Variants in NBEAL1 observed in about 807,000 individuals in gnomAD.
The protein encoded by NBEAL1 is neurobeachin-like protein 1.
A neutral mutation model predicts 351.3 loss-of-function variants in NBEAL1; 273 were observed. That is an observed-to-expected ratio of 0.78 (90% CI 0.70 to 0.86). NBEAL1 has a LOEUF of 0.86. Ranked by LOEUF, NBEAL1 falls within the 40% of genes least tolerant of loss-of-function variation. The probability of loss-of-function intolerance (pLI) is 0.00; values close to 1 mark genes in which losing one functional copy is unlikely to be tolerated. For synonymous variants in NBEAL1, 1,050 were observed against 1,086.4 expected, an observed-to-expected ratio of 0.97 and a Z score of 0.66; for missense variants, 2,961 against 3,201.3, an observed-to-expected ratio of 0.92 and a Z score of 1.81.
At chr2:203,049,684 G>A (rs149784273) in intron 3 of NBEAL1, 130 bp from the exon 4 acceptor site, 1 of 707,670 alleles carries the variant, frequency 1.4e-6, no homozygotes, top group East Asian at 2.8e-5. Context: ...CAGACGAGAA[G>A]GCACAGAGTA....
intron 4 of NBEAL1, among the ~76,000 whole-genome samples, chr2:203,056,202 A>G (rs1387908437): frequency 6.6e-6 from 1 of 152,230 alleles, no homozygotes; most frequent in Non-Finnish European, 1.5e-5. Context: ...GCTAATCAGC[A>G]TATACTTTTT....
chr2:203,206,375 T>TCTCTCC (rs746659496), intron 51 of NBEAL1, among the ~76,000 whole-genome samples: 12 of 151,962 alleles, frequency 7.9e-5, no homozygotes, highest in East Asian at 5.8e-4. Flanking sequence ...AGAAAGCATG[T>TCTCTCC]CTCTCCCTCT....
Position 203,219,179 on chromosome 2 carries a change from G to A in NBEAL1, c.*1825G>A, listed in dbSNP as rs997734603. The A allele has an allele frequency of 3.3e-5, 5 of 151,592 alleles. No individual in the cohort carries two copies. The highest frequency in any genetic ancestry group is 7.3e-5 in the African/African-American group (3 of 41,238). 9.4% of individuals were successfully genotyped at this position (151,592 alleles called of 1,614,324 possible). A position where few individuals can be genotyped will look rare whatever the true frequency, so the allele number is the denominator to read the frequency against. The stretch of plus-strand genomic sequence containing the variant: ...ACAGTTTTTTAGGAGATTTCAAGTC[G>A]GCAGAACTAACATGATTGATTTTTA... On this transcript the variant is annotated 3_prime_UTR_variant, in exon 56 of 56. Transcript: ENST00000683969.
At chr2:203,214,339 G>A (rs2065863313) in intron 55 of NBEAL1, among the ~76,000 whole-genome samples, 1 of 152,136 alleles carries the variant, frequency 6.6e-6, no homozygotes. Context: ...TATTTCAAGG[G>A]AAGAAATTAC....
chr2:203,187,054 T>G (rs2064917353), intron 44 of NBEAL1, among the ~76,000 whole-genome samples: 1 of 152,216 alleles, frequency 6.6e-6, no homozygotes, highest in African/African-American at 2.4e-5. Context: ...TTAGGCAATT[T>G]CTCATTTTGA....
intron 52 of NBEAL1, 21 bp from the exon 53 acceptor site, chr2:203,209,140 T>G: frequency 6.4e-7 from 1 of 1,571,834 alleles, no homozygotes; most frequent in Non-Finnish European, 8.7e-7. Flanking sequence ...TTTTTCATTT[T>G]CTGATATATC....
intron 34 of NBEAL1, among the ~76,000 whole-genome samples, chr2:203,150,894 C>T (rs957851462): frequency 6.6e-6 from 1 of 152,182 alleles, no homozygotes; most frequent in Non-Finnish European, 1.5e-5. Context: ...ATTTCTGCTA[C>T]CTGTAAACCT....
intron 38 of NBEAL1, 82 bp from the exon 39 acceptor site, chr2:203,169,665 C>T (rs1170472821): frequency 1.5e-6 from 1 of 667,706 alleles, no homozygotes; most frequent in Non-Finnish European, 2.6e-6. Context: ...TGAATTGTCT[C>T]TCAATACAGC....
At chr2:203,040,497 G>C in intron 2 of NBEAL1, 2 of 681,368 alleles carry the variant, frequency 2.9e-6, no homozygotes, top group Non-Finnish European at 5.4e-6. Context: ...ACCTAAAAAT[G>C]CTGCTTATAG....
chr2:203,103,961 G>A (rs546133724), intron 12 of NBEAL1, among the ~76,000 whole-genome samples: 9 of 152,262 alleles, frequency 5.9e-5, no homozygotes, highest in African/African-American at 9.6e-5. Flanking sequence ...ACTATGGTTC[G>A]AGAGTGTAGT....
At chr2:203,043,392 G>A (rs924329175) in intron 3 of NBEAL1, among the ~76,000 whole-genome samples, 2 of 152,058 alleles carry the variant, frequency 1.3e-5, no homozygotes, top group African/African-American at 4.8e-5. Flanking sequence ...ATTGGCTGGG[G>A]TAAAATGCAA....
chr2:203,186,936 C>T (rs1437854728), intron 44 of NBEAL1, among the ~76,000 whole-genome samples: 2 of 152,142 alleles, frequency 1.3e-5, no homozygotes, highest in African/African-American at 2.4e-5. Flanking sequence ...TGGGACACAA[C>T]CTTAAATCTT....
At chr2:203,209,784 T>G (rs1163527586) in intron 53 of NBEAL1, among the ~76,000 whole-genome samples, 2 of 151,534 alleles carry the variant, frequency 1.3e-5, no homozygotes, top group Non-Finnish European at 2.9e-5. Flanking sequence ...TTGTCCAAGC[T>G]GGAGTGCAGT....
intron 42 of NBEAL1, among the ~76,000 whole-genome samples, chr2:203,179,786 C>CT (rs904599063): frequency 6.3e-4 from 94 of 148,354 alleles, no homozygotes; most frequent in African/African-American, 1.5e-3. Flanking sequence ...GCAAAAATGC[C>CT]TTTTTTTTTT....
chr2:203,057,472 A>T lies in NBEAL1; in HGVS notation c.515+19A>T, dbSNP rs961685569. ...TTTCAGGGTATGTCTTATAAATAAT[A>T]ACGTTCATTTAAAACCTGAATGTCA... is the stretch of plus-strand genomic sequence containing the variant. On this transcript the variant is annotated intron_variant, in intron 6 of 55. Transcript: ENST00000683969. 1.3e-6 allele frequency: 2 copies of T among 1,534,034 alleles called. No homozygotes were observed. Among genetic ancestry groups the T allele is most frequent in the Non-Finnish European group, 1.8e-6 (2 of 1,135,782 alleles).
intron 33 of NBEAL1, among the ~76,000 whole-genome samples, chr2:203,146,032 T>C (rs1214705650): frequency 1.4e-5 from 2 of 147,112 alleles, no homozygotes; most frequent in African/African-American, 5.0e-5. Flanking sequence ...ATGTGAAAAA[T>C]TATTTATACC....
chr2:203,177,993 TG>T (rs1334728130), intron 42 of NBEAL1, among the ~76,000 whole-genome samples: 1 of 149,874 alleles, frequency 6.7e-6, no homozygotes, highest in Non-Finnish European at 1.5e-5. Context: ...CACTCCAGCC[TG>T]GGCGACAGAG....
At chr2:203,035,676 A>G (rs1244953336) in intron 2 of NBEAL1, among the ~76,000 whole-genome samples, 4 of 149,154 alleles carry the variant, frequency 2.7e-5, no homozygotes, top group Non-Finnish European at 6.0e-5. Flanking sequence ...CATTTTACAG[A>G]CAAAGAACAG....
At chr2:203,190,259 A>T (rs2065033113) in intron 45 of NBEAL1, 33 bp from the exon 46 acceptor site, 1 of 1,488,802 alleles carries the variant, frequency 6.7e-7, no homozygotes, top group African/African-American at 1.4e-5. Context: ...ATTTGTTTTC[A>T]CTCTATAGTA....
Sources: gnomAD v4.1 joint callset for allele counts (sites outside exome capture counted in the v4.1 genomes callset) on GRCh38, gnomAD v4.1.1 for gene constraint, MANE v1.5 for transcripts, NCBI Gene and HGNC (gene_info 2026-07-23, HGNC 2026-07-21) for gene names.